Variants in TP63 observed in about 807,000 individuals in gnomAD.
The protein encoded by TP63 is tumor protein p63, also known as tumor protein 63.
A neutral mutation model predicts 82.8 loss-of-function variants in TP63; 17 were observed. The ratio of observed to expected loss-of-function variants is 0.21; its 90% CI spans 0.14 to 0.31. The LOEUF (loss-of-function observed/expected upper bound fraction) is 0.31. TP63 is among the 10% of genes least tolerant of loss of function. The pLI is 1.00. For missense variants in TP63, 648 were observed against 895.3 expected (o/e 0.72, Z 3.52); for synonymous variants, 330 against 321.7 (o/e 1.03, Z -0.28).
At chr3:189,638,420 A>G (rs1180110030) in intron 1 of TP63, among the ~76,000 whole-genome samples, 1 of 152,116 alleles carries the variant, frequency 6.6e-6, no homozygotes, top group Non-Finnish European at 1.5e-5. Context: ...AAAACACTGG[A>G]CAAGCTAGCC....
chr3:189,826,200 G>A lies in TP63; in HGVS notation c.579+17674G>A, dbSNP rs147519040. 1.1e-4 allele frequency among the ~76,000 whole-genome samples: 16 copies of A among 152,310 alleles called. No individual in the cohort carries two copies. The East Asian group carries it at 3.1e-3, about 29-fold the overall frequency. ...TACATACTGACTGAGCCCACTGTAAGTATTGACTAAGGCAAGGACAAATGT... is the reference window on the plus strand; with the variant it reads ...TACATACTGACTGAGCCCACTGTAAATATTGACTAAGGCAAGGACAAATGT... On this transcript the variant is annotated intron_variant, in intron 4 of 13. Transcript: ENST00000264731.
the TP63 span, among the ~76,000 whole-genome samples, chr3:189,622,965 T>C: frequency 2.0e-5 from 3 of 152,196 alleles, no homozygotes; most frequent in African/African-American, 7.2e-5. Flanking sequence ...AGATTTTTTT[T>C]CTAAGTAAAT....
At chr3:189,761,806 A>G (rs1722595976) in intron 3 of TP63, among the ~76,000 whole-genome samples, 1 of 152,240 alleles carries the variant, frequency 6.6e-6, no homozygotes. Flanking sequence ...ACAGTTCCAC[A>G]TGGCTGGGGA....
At chr3:189,872,096 T>C (rs1265264641) in intron 9 of TP63, among the ~76,000 whole-genome samples, 1 of 152,190 alleles carries the variant, frequency 6.6e-6, no homozygotes. Context: ...TTATCCCACA[T>C]GGAAACTTTT....
chr3:189,802,748 A>C (rs1726451969), intron 3 of TP63, among the ~76,000 whole-genome samples: 1 of 152,178 alleles, frequency 6.6e-6, no homozygotes, highest in Admixed American at 6.5e-5. Flanking sequence ...CCCTAGCCTC[A>C]TCCACCAGTC....
chr3:189,631,746 T>C (rs1729472054), intron 1 of TP63, among the ~76,000 whole-genome samples, 169 bp downstream of exon 1: 1 of 152,154 alleles, frequency 6.6e-6, no homozygotes, highest in Non-Finnish European at 1.5e-5. Flanking sequence ...ATTTTCTGAA[T>C]GTCTTTTTTG....
chr3:189,686,588 GAATA>G (rs369758977), intron 1 of TP63, among the ~76,000 whole-genome samples: 4 of 147,172 alleles, frequency 2.7e-5, no homozygotes, highest in African/African-American at 7.5e-5. Context: ...AGTGGAAAAA[GAATA>G]AATAAATAAA....
intron 4 of TP63, among the ~76,000 whole-genome samples, chr3:189,828,780 C>A (rs139109715): frequency 6.6e-5 from 10 of 152,244 alleles, no homozygotes; most frequent in African/African-American, 2.4e-4. Flanking sequence ...TGAGCTAAAT[C>A]TTGATATCTT....
chr3:189,709,265 A>C (rs1718422533), intron 1 of TP63, among the ~76,000 whole-genome samples: 1 of 152,194 alleles, frequency 6.6e-6, no homozygotes, highest in South Asian at 2.1e-4. Context: ...AGAACAAATT[A>C]TTATGATGGT....
chr3:189,608,289 A>G, the TP63 span, among the ~76,000 whole-genome samples: 1 of 152,170 alleles, frequency 6.6e-6, no homozygotes, highest in African/African-American at 2.4e-5. Context: ...GTAAGGAATT[A>G]GAGCATTGGA....
At position 189,652,760 on chromosome 3, in the gene TP63, G is replaced by A. The variant is rs1182653892; in HGVS notation, c.62+21183G>A. ...AGGTGGAGATAATTGAATCATGGGA[G>A]CAGTTTCCCCCATCCTGTTCTCATG... On this transcript the variant is annotated intron_variant, in intron 1 of 13. Coordinates refer to ENST00000264731, the MANE Select transcript of TP63 (RefSeq NM_003722.5). Among the ~76,000 whole-genome samples, 2 of 146,580 alleles carry A rather than the reference G, an allele frequency of 1.4e-5. 1 individual carries two copies. Among genetic ancestry groups the A allele is most frequent in the Admixed American group, 1.3e-4 (2 of 14,912 alleles).
intron 1 of TP63, among the ~76,000 whole-genome samples, chr3:189,633,507 T>G (rs1007882447): frequency 2.0e-5 from 3 of 152,096 alleles, no homozygotes; most frequent in African/African-American, 7.2e-5. Context: ...CTGTGTTAGT[T>G]TGCTAAGGAT....
chr3:189,857,925 G>C (rs1035044923), intron 4 of TP63, among the ~76,000 whole-genome samples: 41 of 152,262 alleles, frequency 2.7e-4, no homozygotes, highest in African/African-American at 9.6e-4. Flanking sequence ...TAGTATAGAA[G>C]TTCCTTGAAA....
In TP63 at chr3:189,866,774, C is replaced by T. The variant is rs33979049; in HGVS notation, c.859C>T (p.Leu287=). The T allele has an allele frequency of 0.02, 31,735 of 1,613,978 alleles. 370 individuals carry two copies. The highest frequency in any genetic ancestry group is 0.027 in the South Asian group (2,437 of 91,068). Residue 287 remains leucine, a synonymous_variant, in exon 6 of 14, where the codon CTG becomes TTG. Transcript: ENST00000264731. ...TCCCATCACAGGAAGACAGAGTGTGCTGGTACCTTATGAGCCACCCCAGGT... is the reference window on the plus strand; with the variant it reads ...TCCCATCACAGGAAGACAGAGTGTGTTGGTACCTTATGAGCCACCCCAGGT... ...EDPITGRQSV[L]VPYEPPQVGT... is the part of the protein sequence containing the mutation.
intron 1 of TP63, among the ~76,000 whole-genome samples, chr3:189,632,645 AAGAG>A (rs535652849): frequency 6.6e-6 from 1 of 152,130 alleles, no homozygotes; most frequent in Non-Finnish European, 1.5e-5. Context: ...AGGGTGAAAA[AAGAG>A]AGAGGGGAAG....
At chr3:189,806,040 CTTTT>C (rs34836784) in intron 3 of TP63, among the ~76,000 whole-genome samples, 5 of 52,078 alleles carry the variant, frequency 9.6e-5, no homozygotes, top group Admixed American at 2.7e-4. Context: ...GAAGCAAACA[CTTTT>C]TTTTTTTTTT....
At chr3:189,878,405 T>G (rs1354640430) in intron 10 of TP63, among the ~76,000 whole-genome samples, 1 of 144,276 alleles carries the variant, frequency 6.9e-6, no homozygotes, top group Non-Finnish European at 1.5e-5. Context: ...TTTTTTTTTT[T>G]TGAGACAGAG....
intron 4 of TP63, among the ~76,000 whole-genome samples, chr3:189,829,220 AC>A (rs1395016532): frequency 6.6e-6 from 1 of 152,230 alleles, no homozygotes; most frequent in Non-Finnish European, 1.5e-5. Context: ...TCACCTGTCT[AC>A]AGACCCAAGA....
At chr3:189,662,110 G>A (rs1713936358) in intron 1 of TP63, among the ~76,000 whole-genome samples, 1 of 151,784 alleles carries the variant, frequency 6.6e-6, no homozygotes, top group Non-Finnish European at 1.5e-5. Context: ...TGCTAATTTT[G>A]GGGTTAGTTT....
Sources: gnomAD v4.1 joint callset for allele counts (sites outside exome capture counted in the v4.1 genomes callset) on GRCh38, gnomAD v4.1.1 for gene constraint, MANE v1.5 for transcripts, NCBI Gene and HGNC (gene_info 2026-07-23, HGNC 2026-07-21) for gene names.